TNRC6C: variants seen among roughly 807,000 people sequenced by gnomAD.
TNRC6C encodes trinucleotide repeat containing adaptor 6C, also known as trinucleotide repeat-containing gene 6C protein.
Under a neutral mutation model 153.7 loss-of-function variants are expected in TNRC6C, and 20 were observed. That is an observed-to-expected ratio of 0.13 (90% confidence interval 0.09 to 0.19). TNRC6C has a LOEUF of 0.19. Ranked by LOEUF, TNRC6C falls within the 10% of genes least tolerant of loss-of-function variation. TNRC6C has a pLI of 1.00. For synonymous variants in TNRC6C, 811 were observed against 841.4 expected (o/e 0.96, Z 0.63); for missense variants, 1,987 against 2,172.0 (o/e 0.91, Z 1.69).
intron 1 of TNRC6C, among the ~76,000 whole-genome samples, chr17:77,981,012 A>G (rs1025076997): frequency 6.6e-5 from 10 of 152,040 alleles, no homozygotes; most frequent in East Asian, 1.9e-4. Context: ...GTCTCACTCT[A>G]TTGTCCAGGC....
Position 78,093,163 on chromosome 17 carries a change from C to A in TNRC6C, c.4162+39C>A, listed in dbSNP as rs1349863887. 6 of 1,595,856 alleles carry A rather than the reference C, an allele frequency of 3.8e-6. No homozygotes were observed. In the South Asian group the frequency reaches 4.5e-5, roughly 12 times the overall value. ...ACACTTCTGTGCAACAGCAGCAGGTCAGAATGTGCTCCAAGCCTGCAGAGA... is the reference window on the plus strand; with the variant it reads ...ACACTTCTGTGCAACAGCAGCAGGTAAGAATGTGCTCCAAGCCTGCAGAGA... On this transcript the variant is annotated intron_variant, in intron 15 of 19. Coordinates refer to ENST00000301624, the Ensembl canonical transcript of TNRC6C.
At chr17:78,091,649 C>T (rs2073396319) in intron 14 of TNRC6C, 42 bp downstream of exon 16, 3 of 1,403,182 alleles carry the variant, frequency 2.1e-6, no homozygotes, top group Non-Finnish European at 2.8e-6. Flanking sequence ...TCACTGCTGG[C>T]TTATTAATCG....
At position 78,077,165 on chromosome 17, in the gene TNRC6C, C is replaced by T. The variant is rs762881630; in HGVS notation, c.3061-20C>T. 2 of 1,594,774 alleles carry T rather than the reference C, an allele frequency of 1.3e-6. No homozygotes were observed. The highest frequency in any genetic ancestry group is 1.7e-6 in the Non-Finnish European group (2 of 1,171,554). ...GCTGATGGACACTGCACACAGCTCA[C>T]CCTTTCTTTCTCCAATCAGGATGGC... On this transcript the variant is annotated intron_variant, in intron 8 of 19. Transcript: ENST00000301624.
intron 16 of TNRC6C, 51 bp downstream of exon 18, chr17:78,093,814 T>C: frequency 6.3e-7 from 1 of 1,599,408 alleles, no homozygotes; most frequent in Middle Eastern, 1.7e-4. Flanking sequence ...TCTAGACCCA[T>C]TTGGAGATGT....
chr17:77,979,727 T>G (rs1426043724), intron 1 of TNRC6C, among the ~76,000 whole-genome samples: 1 of 151,902 alleles, frequency 6.6e-6, no homozygotes, highest in Non-Finnish European at 1.5e-5. Flanking sequence ...TGAGAATCAC[T>G]GTAGCTCTAA....
chr17:78,051,143 G>A (rs1381083145), exon 3 of TNRC6C: 1 of 1,577,388 alleles, frequency 6.3e-7, no homozygotes, highest in Non-Finnish European at 8.6e-7. Context: ...GGGTGGATCG[G>A]GGGGCCGGTA....
At chr17:78,060,319 G>A (rs1014317725) in intron 3 of TNRC6C, among the ~76,000 whole-genome samples, 3 of 151,980 alleles carry the variant, frequency 2.0e-5, no homozygotes, top group African/African-American at 7.3e-5. Flanking sequence ...TACCCAACCA[G>A]CCATCATAGT....
chr17:78,060,770 AG>A (rs1258177019), intron 3 of TNRC6C, among the ~76,000 whole-genome samples: 1 of 152,208 alleles, frequency 6.6e-6, no homozygotes, highest in East Asian at 1.9e-4. Flanking sequence ...CCTCCCAAAA[AG>A]GACTGCCCAT....
At position 78,075,434 on chromosome 17, in the gene TNRC6C, CAAA is replaced by C. The variant is rs939550097; in HGVS notation, c.3060+157_3060+159del. On this transcript the variant is annotated intron_variant, in intron 8 of 19. Coordinates refer to ENST00000301624, the Ensembl canonical transcript of TNRC6C. This position sits in a 1 kb window ranked among gnomAD's most constrained non-coding sequence, Gnocchi z 4.2. ...TTTCTAACATTATGAACATTTAACTCAAAGAAGGGAATGTCGTATTTCATAAGA... is the reference window on the plus strand; with the variant it reads ...TTTCTAACATTATGAACATTTAACTCGAAGGGAATGTCGTATTTCATAAGA... 7.1e-6 allele frequency: 6 copies of C among 841,542 alleles called. No homozygotes were observed. The highest frequency in any genetic ancestry group is 2.9e-5 in the Admixed American group (1 of 33,972). The allele number at this position is 841,542 out of a possible 1,614,324, so 52.1% of individuals were successfully genotyped here.
At chr17:78,021,499 T>G (rs1018750017) in intron 1 of TNRC6C, among the ~76,000 whole-genome samples, 4 of 152,226 alleles carry the variant, frequency 2.6e-5, no homozygotes, top group Admixed American at 2.0e-4. Flanking sequence ...ATAAATAGCA[T>G]CATTTTAACT....
At chr17:78,056,754 C>G (rs773264538) in intron 3 of TNRC6C, among the ~76,000 whole-genome samples, 5 of 152,092 alleles carry the variant, frequency 3.3e-5, no homozygotes, top group Non-Finnish European at 7.4e-5. Context: ...CGTGAGCCAC[C>G]ACGCCTGGCC....
At chr17:78,053,985 ATAAAG>A (rs1318743203) in intron 3 of TNRC6C, among the ~76,000 whole-genome samples, 1 of 152,230 alleles carries the variant, frequency 6.6e-6, no homozygotes, top group Non-Finnish European at 1.5e-5. Flanking sequence ...TGTTAACATT[ATAAAG>A]TATAGTTACA....
At position 78,104,943 on chromosome 17, in the gene TNRC6C, T is replaced by C. The variant is rs939510839; in HGVS notation, c.*98T>C. ...CGCTGGAACCCAGCAGCGGCCGCCC[T>C]TTTGAGTACCTCTGTCCAGGACTGA... On this transcript the variant is annotated 3_prime_UTR_variant, in exon 20 of 20. Coordinates refer to ENST00000301624, the Ensembl canonical transcript of TNRC6C. This position sits in a 1 kb window ranked among gnomAD's most constrained non-coding sequence, Gnocchi z 6.2. 2.2e-6 allele frequency: 3 copies of C among 1,356,712 alleles called. No individual in the cohort carries two copies. The highest frequency in any genetic ancestry group is 2.8e-6 in the Non-Finnish European group (3 of 1,056,108). The allele number at this position is 1,356,712 out of a possible 1,614,324, so 84.0% of individuals were successfully genotyped here.
At chr17:77,993,215 G>A (rs928989202) in intron 1 of TNRC6C, among the ~76,000 whole-genome samples, 1 of 152,178 alleles carries the variant, frequency 6.6e-6, no homozygotes, top group South Asian at 2.1e-4. Flanking sequence ...ACCCGCCTCT[G>A]CCTCCCAAAG....
At chr17:78,086,891 G>A in exon 13 of TNRC6C, 1 of 1,612,452 alleles carries the variant, frequency 6.2e-7, no homozygotes, top group South Asian at 1.1e-5. Context: ...AGCAGATCCA[G>A]CAGCACCAGC....
chr17:78,073,200 G>A (rs2073027794), intron 7 of TNRC6C, 106 bp downstream of exon 9: 1 of 933,234 alleles, frequency 1.1e-6, no homozygotes. Flanking sequence ...GTCCTGGGTA[G>A]ACAGGACCAG....
chr17:78,083,883 C>G (rs2073226678), intron 11 of TNRC6C, among the ~76,000 whole-genome samples: 1 of 152,110 alleles, frequency 6.6e-6, no homozygotes. Context: ...TACCTAGATG[C>G]TTACTGAAAT....
chr17:78,079,354 AT>A lies in TNRC6C; in HGVS notation c.3211-40del, dbSNP rs1476354622. ...CCTACCTCCAAACAATGTTACTCTA[AT>A]GCCTGCCTTGGTAACGTGTTTAATT... On this transcript the variant is annotated intron_variant, in intron 9 of 19. Transcript: ENST00000301624. This position sits in a 1 kb window ranked among gnomAD's most constrained non-coding sequence, Gnocchi z 4.3. 2 of 1,604,728 alleles carry A rather than the reference AT, an allele frequency of 1.2e-6. No homozygotes were observed. The highest frequency in any genetic ancestry group is 1.7e-6 in the Non-Finnish European group (2 of 1,172,334).
chr17:78,031,436 T>C (rs1357908895), intron 1 of TNRC6C, 80 bp from the exon 4 acceptor site: 1 of 1,085,342 alleles, frequency 9.2e-7, no homozygotes, highest in Non-Finnish European at 1.2e-6. Context: ...CAGTTTTTGG[T>C]TATGGTTTCC....
Sources: allele counts gnomAD v4.1 joint callset (sites outside exome capture counted in the v4.1 genomes callset), GRCh38; gene constraint gnomAD v4.1.1; non-coding constraint Gnocchi (gnomAD v3.1); transcripts MANE v1.5; gene names NCBI Gene and HGNC (gene_info 2026-07-23, HGNC 2026-07-21).